TEX10: variants seen among roughly 807,000 people sequenced by gnomAD.
TEX10 encodes the protein testis expressed 10.
TEX10 carries 24 observed loss-of-function variants against 104.4 expected under a neutral mutation model. That is an observed-to-expected ratio of 0.23 (90% CI 0.17 to 0.32). The LOEUF (loss-of-function observed/expected upper bound fraction) is 0.32, where lower values mean the gene tolerates loss of function less well. Among genes scored for constraint, TEX10 ranks in the 10% least tolerant of loss-of-function variants. The pLI, the probability that TEX10 is intolerant of heterozygous loss-of-function variation, is 1.00. For synonymous variants in TEX10, 396 were observed against 393.4 expected, an observed-to-expected ratio of 1.01 and a Z score of -0.08; for missense variants, 921 against 1,083.9, an observed-to-expected ratio of 0.85 and a Z score of 2.11.
intron 13 of TEX10, 128 bp from the exon 14 acceptor site, chr9:100,303,970 CA>C (rs1363223862): frequency 1.1e-6 from 1 of 873,014 alleles, no homozygotes; most frequent in Non-Finnish European, 1.8e-6. Flanking sequence ...AACTGAGAGC[CA>C]AATCAAGAAC....
intron 14 of TEX10, among the ~76,000 whole-genome samples, chr9:100,303,272 GAAAA>G (rs1254158515): frequency 6.6e-6 from 1 of 152,068 alleles, no homozygotes; most frequent in African/African-American, 2.4e-5. Context: ...AAGAAAGAAA[GAAAA>G]AAACTTGCCA....
intron 10 of TEX10, among the ~76,000 whole-genome samples, chr9:100,320,664 T>C (rs1374455222): frequency 6.6e-6 from 1 of 152,220 alleles, no homozygotes; most frequent in African/African-American, 2.4e-5. Flanking sequence ...TACTAGGGTT[T>C]TGACAATTTT....
At chr9:100,313,143 T>C (rs137888963) in intron 11 of TEX10, among the ~76,000 whole-genome samples, 1 of 152,292 alleles carries the variant, frequency 6.6e-6, no homozygotes, top group Non-Finnish European at 1.5e-5. Flanking sequence ...GAGAGAATAT[T>C]ACTTCATGAA....
intron 2 of TEX10, among the ~76,000 whole-genome samples, chr9:100,348,339 A>G (rs1835353014): frequency 6.6e-6 from 1 of 152,252 alleles, no homozygotes; most frequent in Non-Finnish European, 1.5e-5. Context: ...AATTAGATTA[A>G]GGTGATAGTA....
chr9:100,349,599 T>G (rs1376098472), intron 1 of TEX10, among the ~76,000 whole-genome samples: 1 of 152,190 alleles, frequency 6.6e-6, no homozygotes, highest in Non-Finnish European at 1.5e-5. Context: ...TTTTGCAAAG[T>G]TTTTTGGGTC....
intron 2 of TEX10, among the ~76,000 whole-genome samples, chr9:100,348,069 G>A (rs1018282985): frequency 6.6e-6 from 1 of 152,112 alleles, no homozygotes; most frequent in African/African-American, 2.4e-5. Context: ...AATACAATTC[G>A]ACAATACAAA....
intron 9 of TEX10, 80 bp downstream of exon 9, chr9:100,326,222 A>G: frequency 6.7e-7 from 1 of 1,481,636 alleles, no homozygotes; most frequent in Non-Finnish European, 9.1e-7. Flanking sequence ...CGACTTCAAA[A>G]GGCTTCCGTA....
chr9:100,339,769 GCTTA>G (rs1381324191), intron 5 of TEX10, among the ~76,000 whole-genome samples: 2 of 151,540 alleles, frequency 1.3e-5, no homozygotes, highest in African/African-American at 4.9e-5. Context: ...TAATTTCTAG[GCTTA>G]CTTTTTTTTT....
intron 13 of TEX10, chr9:100,306,872 C>A (rs1006741977): frequency 4.6e-5 from 7 of 152,208 alleles, no homozygotes; most frequent in Admixed American, 2.6e-4. Flanking sequence ...TAAGAAACTA[C>A]AATAGATCTT....
At chr9:100,352,477 G>A in intron 1 of TEX10, 1 of 1,551,360 alleles carries the variant, frequency 6.4e-7, no homozygotes, top group Non-Finnish European at 8.7e-7. Flanking sequence ...CAGGACCAGA[G>A]TCGGGGAAGT....
chr9:100,346,747 C>T lies in TEX10; in HGVS notation c.840G>A (p.Gln280=), dbSNP rs746434441. The T allele has an allele frequency of 1.9e-6, 3 of 1,614,124 alleles. No homozygotes were observed. Among genetic ancestry groups the T allele is most frequent in the Admixed American group, 3.3e-5 (2 of 60,022 alleles). ...GCTGTGAACCCCCATTTTCATAAAC[C>T]TGGATGTGTTGCTGGTCGTTGGCAT... is the stretch of plus-strand genomic sequence containing the variant. The part of the protein sequence containing the change: ...KEHANDQQHI[Q]VYENGGSQPN... Residue 280 remains glutamine, a synonymous_variant, in exon 3 of 15, where the codon CAG becomes CAA. Coordinates refer to ENST00000374902, the MANE Select transcript of TEX10 (RefSeq NM_017746.4).
At chr9:100,316,173 A>G (rs1834413634) in intron 11 of TEX10, among the ~76,000 whole-genome samples, 1 of 152,238 alleles carries the variant, frequency 6.6e-6, no homozygotes, top group Admixed American at 6.5e-5. Context: ...CAAAGATAAT[A>G]TACCATGACG....
rs1835325238 is a variant in TEX10, at chr9:100,347,361, T to C, written c.226A>G (p.Ser76Gly). ...MHHYNAGVKQ[S>G]ALLGLKDLLS... ...AGGTCTTTAAGTCCAAGAAGAGCAC[T>C]TTGTTTAACCCCAGCATTGTAGTGA... The change falls in exon 3 of 15, where the codon AGT becomes GGT. Residue 76 changes from serine (S) to glycine (G), a missense_variant. Ser to Gly is a moderately conservative substitution (Grantham distance 56). This residue lies in a region of TEX10 where 118 missense variants were observed against 111.3 expected (regional missense o/e 1.06). Transcript: ENST00000374902. The C allele has an allele frequency of 6.2e-7, 1 of 1,611,542 alleles. No individual in the cohort carries two copies. Among genetic ancestry groups the C allele is most frequent in the Non-Finnish European group, 8.5e-7 (1 of 1,178,810 alleles).
At chr9:100,310,970 C>T (rs1015136317) in intron 11 of TEX10, among the ~76,000 whole-genome samples, 6 of 151,834 alleles carry the variant, frequency 4.0e-5, no homozygotes, top group Admixed American at 1.3e-4. Context: ...CCTCAAGTGG[C>T]TTACAATCTA....
intron 11 of TEX10, among the ~76,000 whole-genome samples, chr9:100,318,122 C>T (rs1053767439): frequency 5.9e-5 from 9 of 151,970 alleles, no homozygotes; most frequent in African/African-American, 2.2e-4. Flanking sequence ...AAGTATGTAC[C>T]CAAAGGAAAA....
At chr9:100,310,694 C>T (rs369547827) in intron 11 of TEX10, among the ~76,000 whole-genome samples, 31 of 152,228 alleles carry the variant, frequency 2.0e-4, no homozygotes, top group Admixed American at 1.3e-3. Context: ...TACCTCAAGA[C>T]TCCCAAAGTG....
intron 2 of TEX10, among the ~76,000 whole-genome samples, chr9:100,348,452 G>A (rs867275402): frequency 2.0e-5 from 3 of 152,268 alleles, no homozygotes; most frequent in Middle Eastern, 6.8e-3. Context: ...AGATTCTTAA[G>A]CAACACTTCT....
intron 1 of TEX10, among the ~76,000 whole-genome samples, chr9:100,352,265 A>T (rs1835472837): frequency 6.6e-6 from 1 of 152,198 alleles, no homozygotes; most frequent in Non-Finnish European, 1.5e-5. Context: ...CTTCCCAAAA[A>T]GCAAATGGCC....
At chr9:100,303,415 A>T (rs1834058786) in intron 14 of TEX10, among the ~76,000 whole-genome samples, 1 of 143,886 alleles carries the variant, frequency 6.9e-6, no homozygotes, top group African/African-American at 2.7e-5. Context: ...GACTTTTATT[A>T]CTAATTCTGG....
Sources: allele counts gnomAD v4.1 joint callset (sites outside exome capture counted in the v4.1 genomes callset), GRCh38; gene constraint gnomAD v4.1.1; regional missense constraint gnomAD v4.1.1; transcripts MANE v1.5; gene names NCBI Gene and HGNC (gene_info 2026-07-23, HGNC 2026-07-21).